Variants in GGACT observed in about 807,000 individuals in gnomAD.
GGACT encodes gamma-glutamylaminecyclotransferase.
For missense variants in GGACT, 241 were observed against 233.2 expected, an observed-to-expected ratio of 1.03 and a Z score of -0.22; for synonymous variants, 118 against 115.3, an observed-to-expected ratio of 1.02 and a Z score of -0.15.
In GGACT at chr13:100,530,284, C is replaced by CATT. The variant is rs1336948492; in HGVS notation, c.*1843_*1845dup. The CATT allele has an allele frequency of 2.4e-6, 2 of 829,816 alleles. No individual in the cohort carries two copies. The highest frequency in any genetic ancestry group is 1.7e-5 in the African/African-American group (1 of 59,710). The allele number at this position is 829,816 out of a possible 1,614,324, so 51.4% of individuals were successfully genotyped here. On this transcript the variant is annotated 3_prime_UTR_variant, in exon 3 of 3. Coordinates refer to ENST00000683975, the MANE Select transcript of GGACT (RefSeq NM_001195087.2). Reference sequence around the variant, plus strand: ...CCCTGTGCAGCTACGTTTACGTCGTCATTTATTCCACAGAGTCAAGACCAA... The same window carrying CATT: ...CCCTGTGCAGCTACGTTTACGTCGTCATTATTTATTCCACAGAGTCAAGACCAA...
At position 100,532,862 on chromosome 13, in the gene GGACT, G is replaced by C. The variant is rs557272027; in HGVS notation, c.-10-261C>G. Among the ~76,000 whole-genome samples the C allele has an allele frequency of 7.9e-5, 12 of 152,366 alleles. No individual in the cohort carries two copies. In the East Asian group the frequency reaches 1.7e-3, roughly 22 times the overall value. On this transcript the variant is annotated intron_variant, in intron 2 of 2. Coordinates refer to ENST00000683975, the MANE Select transcript of GGACT (RefSeq NM_001195087.2). ...TGGGCTGTTCACAAACGGGCACCAGGTCGGCTCTAACCTGTGGGCATGGTG... is the reference window on the plus strand; with the variant it reads ...TGGGCTGTTCACAAACGGGCACCAGCTCGGCTCTAACCTGTGGGCATGGTG...
chr13:100,541,690 T>C (rs1201311159), intron 2 of GGACT: 3 of 152,210 alleles, frequency 2.0e-5, no homozygotes, highest in Non-Finnish European at 4.4e-5. Context: ...GGGAGGGTGA[T>C]ATTACGTAGA....
chr13:100,539,816 T>C (rs961757818), intron 2 of GGACT: 18 of 246,616 alleles, frequency 7.3e-5, no homozygotes, highest in Non-Finnish European at 1.1e-4. Context: ...GGTCCTGGGC[T>C]TTTTTTTTTT....
chr13:100,552,157 GAGA>G (rs1358006140), intron 2 of GGACT, among the ~76,000 whole-genome samples: 4 of 152,206 alleles, frequency 2.6e-5, no homozygotes, highest in Non-Finnish European at 5.9e-5. Context: ...TTCCCCAGGA[GAGA>G]AGAAGAAAAT....
chr13:100,563,950 TG>T (rs1189252739), intron 2 of GGACT, among the ~76,000 whole-genome samples: 1 of 151,490 alleles, frequency 6.6e-6, no homozygotes, highest in Non-Finnish European at 1.5e-5. Context: ...TGGGGGCCTG[TG>T]GGCTACTGGG....
chr13:100,544,424 T>C (rs2088586003), intron 2 of GGACT, among the ~76,000 whole-genome samples: 1 of 152,242 alleles, frequency 6.6e-6, no homozygotes, highest in Non-Finnish European at 1.5e-5. Context: ...TGTCGCTTGC[T>C]AGTTTCTTTA....
At chr13:100,542,502 A>C (rs988278859) in intron 2 of GGACT, among the ~76,000 whole-genome samples, 3 of 152,196 alleles carry the variant, frequency 2.0e-5, no homozygotes, top group Non-Finnish European at 2.9e-5. Context: ...AATGACATGC[A>C]TGAGACCTTA....
At chr13:100,562,171 A>G (rs1165145000) in intron 2 of GGACT, among the ~76,000 whole-genome samples, 1 of 152,120 alleles carries the variant, frequency 6.6e-6, no homozygotes, top group Non-Finnish European at 1.5e-5. Context: ...AGAAGTTGTG[A>G]AATTTTATTC....
rs1190788026 is a variant in GGACT, at chr13:100,532,163, G to A, written c.429C>T (p.His143=). 8 of 1,459,578 alleles carry A rather than the reference G, an allele frequency of 5.5e-6. No homozygotes were observed. In the East Asian group the frequency reaches 1.0e-4, roughly 18 times the overall value. 90.4% of individuals were successfully genotyped at this position (1,459,578 alleles called of 1,614,324 possible). A position where few individuals can be genotyped will look rare whatever the true frequency, so the allele number is the denominator to read the frequency against. Residue 143 remains histidine, a synonymous_variant, in exon 3 of 3, where the codon CAC becomes CAT. Coordinates refer to ENST00000683975, the MANE Select transcript of GGACT (RefSeq NM_001195087.2). ...TCTCCCGGGGGTTGTAGCGCAGCCC[G>A]TGCGGCCCCTCGGAGTCGTAGCTGT... ...HHDSYDSEGP[H]GLRYNPRENR
chr13:100,532,750 G>A (rs752024488), intron 2 of GGACT, 149 bp from the exon 3 acceptor site: 3 of 623,520 alleles, frequency 4.8e-6, no homozygotes, highest in East Asian at 2.8e-5. Context: ...ACTTACCGAC[G>A]CAGATGAGAA....
intron 2 of GGACT, among the ~76,000 whole-genome samples, chr13:100,560,208 T>C (rs182505367): frequency 6.6e-6 from 1 of 152,262 alleles, no homozygotes; most frequent in East Asian, 1.9e-4. Flanking sequence ...TCAAGATTCG[T>C]TGACCCTTTA....
rs150172794 is a variant in GGACT, at chr13:100,550,157, C to T, written c.-10-17556G>A. 7.0e-3 allele frequency among the ~76,000 whole-genome samples: 1,060 copies of T among 152,248 alleles called. 10 individuals are homozygous for T. Among genetic ancestry groups the T allele is most frequent in the Middle Eastern group, 0.024 (7 of 294 alleles). ...CATTCCTGTGAGTCCTGAACGTGAA[C>T]GCACGGCCGGCCACTGTGTGCTGGC... On this transcript the variant is annotated intron_variant, in intron 2 of 2. Coordinates refer to ENST00000683975, the MANE Select transcript of GGACT (RefSeq NM_001195087.2).
Position 100,551,564 on chromosome 13 carries a change from A to C in GGACT, c.-10-18963T>G, listed in dbSNP as rs144229934. 8.6e-3 allele frequency among the ~76,000 whole-genome samples: 1,306 copies of C among 152,234 alleles called. 19 individuals carry two copies. The highest frequency in any genetic ancestry group is 0.029 in the African/African-American group (1,220 of 41,544). ...ACCACAAAATAGCTAAGGGGTAGCTAAACTCCTAGTTGAAGCACCTTAAAA... is the reference window on the plus strand; with the variant it reads ...ACCACAAAATAGCTAAGGGGTAGCTCAACTCCTAGTTGAAGCACCTTAAAA... On this transcript the variant is annotated intron_variant, in intron 2 of 2. Transcript: ENST00000683975.
chr13:100,571,611 C>A (rs1208251547), intron 2 of GGACT, among the ~76,000 whole-genome samples: 1 of 152,152 alleles, frequency 6.6e-6, no homozygotes, highest in Non-Finnish European at 1.5e-5. Flanking sequence ...CTGCACGCGG[C>A]CCAGAGGACA....
At chr13:100,574,045 A>G (rs114840862) in intron 2 of GGACT, among the ~76,000 whole-genome samples, 2,392 of 152,340 alleles carry the variant, frequency 0.016, 69 homozygotes, top group African/African-American at 0.054. Flanking sequence ...TACACATCCA[A>G]AGGAAAATAG....
Position 100,532,312 on chromosome 13 carries a change from G to A in GGACT, c.280C>T (p.Arg94Trp), listed in dbSNP as rs770236696. ...GCCCGGTCCTCCAGCAGCTGTACCCGCAGCACCGTGCGCTGGTACAGGGCC... is the reference window on the plus strand; with the variant it reads ...GCCCGGTCCTCCAGCAGCTGTACCCACAGCACCGTGCGCTGGTACAGGGCC... ...CPALYQRTVL[R>W]VQLLEDRAPG... The change falls in exon 3 of 3, where the codon CGG (arginine) becomes TGG (tryptophan). Residue 94 changes from arginine to tryptophan, a missense_variant. Transcript: ENST00000683975. The A allele has an allele frequency of 1.9e-6, 3 of 1,548,686 alleles. No individual in the cohort carries two copies. The highest frequency in any genetic ancestry group is 2.4e-5 in the East Asian group (1 of 40,836).
chr13:100,561,129 C>T (rs763029844), intron 2 of GGACT, among the ~76,000 whole-genome samples: 16 of 152,196 alleles, frequency 1.1e-4, no homozygotes, highest in Non-Finnish European at 1.8e-4. Context: ...ACCCCCGCCC[C>T]GGGCATTTTA....
In GGACT at chr13:100,532,454, C is replaced by A. The variant is rs2088421878; in HGVS notation, c.138G>T (p.Gly46=). 2 of 1,549,812 alleles carry A rather than the reference C, an allele frequency of 1.3e-6. No homozygotes were observed. The highest frequency in any genetic ancestry group is 2.0e-5 in the Admixed American group (1 of 50,990). ...GCAGCAGCCACGGGATGTTGTGCTCCCCCGCGATCACCAACGGGTAGGGCT... is the reference window on the plus strand; with the variant it reads ...GCAGCAGCCACGGGATGTTGTGCTCACCCGCGATCACCAACGGGTAGGGCT... The part of the protein sequence containing the change: ...TLEPYPLVIA[G]EHNIPWLLHL... The change falls in exon 3 of 3, where the codon GGG becomes GGT. Residue 46 remains glycine (G), a synonymous_variant. Coordinates refer to ENST00000683975, the MANE Select transcript of GGACT (RefSeq NM_001195087.2).
intron 1 of GGACT, among the ~76,000 whole-genome samples, chr13:100,584,292 C>T (rs1284897954): frequency 6.6e-6 from 1 of 152,158 alleles, no homozygotes; most frequent in Non-Finnish European, 1.5e-5. Context: ...AAGTACTATT[C>T]AGCCATTAAA....
Sources: gnomAD v4.1 joint callset for allele counts (sites outside exome capture counted in the v4.1 genomes callset) on GRCh38, gnomAD v4.1.1 for gene constraint, MANE v1.5 for transcripts, NCBI Gene and HGNC (gene_info 2026-07-23, HGNC 2026-07-21) for gene names.